PCDH15: variants seen among roughly 807,000 people sequenced by gnomAD.
PCDH15 encodes protocadherin related 15, also known as protocadherin-15.
A neutral mutation model predicts 178.5 loss-of-function variants in PCDH15; 129 were observed. The observed-to-expected ratio is 0.72, with a 90% CI of 0.63 to 0.84. PCDH15 has a LOEUF of 0.84. PCDH15 is among the 40% of genes least tolerant of loss of function. The probability of loss-of-function intolerance (pLI) is 0.00; values close to 1 mark genes in which losing one functional copy is unlikely to be tolerated. For missense variants in PCDH15, 2,230 were observed against 2,099.9 expected (o/e 1.06, Z -1.21); for synonymous variants, 800 against 732.0 (o/e 1.09, Z -1.50).
intron 2 of PCDH15, chr10:54,897,561 T>C (rs1174852846): frequency 6.6e-6 from 1 of 152,196 alleles, no homozygotes; most frequent in Non-Finnish European, 1.5e-5. Flanking sequence ...GAAACAACAA[T>C]TATGTATTAT....
chr10:55,587,914 A>G (rs1033448732), intron 2 of PCDH15, among the ~76,000 whole-genome samples: 3 of 152,166 alleles, frequency 2.0e-5, no homozygotes, highest in African/African-American at 7.2e-5. Context: ...TCATATCAAA[A>G]AAAGAATAAG....
At chr10:53,946,699 C>T (rs183766665) in intron 23 of PCDH15, among the ~76,000 whole-genome samples, 11 of 152,260 alleles carry the variant, frequency 7.2e-5, no homozygotes, top group East Asian at 1.9e-4. Context: ...AAATGCAAAC[C>T]GAAAAAGTTA....
intron 2 of PCDH15, among the ~76,000 whole-genome samples, chr10:55,005,240 C>G (rs1210640318): frequency 4.4e-5 from 2 of 45,934 alleles, no homozygotes; most frequent in Non-Finnish European, 4.7e-5. Context: ...AATGGAGCCT[C>G]TTGGTAGAAT....
At chr10:54,502,268 A>G (rs1451194009) in intron 3 of PCDH15, among the ~76,000 whole-genome samples, 1 of 152,168 alleles carries the variant, frequency 6.6e-6, no homozygotes, top group Non-Finnish European at 1.5e-5. Flanking sequence ...AATGTTTAAT[A>G]TAATGCTTGG....
chr10:54,420,168 T>C (rs750329034), intron 3 of PCDH15, among the ~76,000 whole-genome samples: 1 of 152,092 alleles, frequency 6.6e-6, no homozygotes, highest in Non-Finnish European at 1.5e-5. Flanking sequence ...TGAAGATGTA[T>C]GGTATTACTT....
At chr10:54,105,695 C>T (rs1315300243) in intron 15 of PCDH15, among the ~76,000 whole-genome samples, 3 of 152,094 alleles carry the variant, frequency 2.0e-5, no homozygotes, top group Non-Finnish European at 2.9e-5. Context: ...CAGACACACC[C>T]AGGATCAATA....
chr10:55,098,294 A>T (rs1842490412), intron 2 of PCDH15, among the ~76,000 whole-genome samples: 1 of 152,158 alleles, frequency 6.6e-6, no homozygotes, highest in Non-Finnish European at 1.5e-5. Context: ...TATTAAATGG[A>T]AGAACCAGAA....
At chr10:55,505,407 T>A (rs890061765) in intron 2 of PCDH15, among the ~76,000 whole-genome samples, 18 of 151,342 alleles carry the variant, frequency 1.2e-4, no homozygotes, top group African/African-American at 2.4e-5. Context: ...CTGGATTCTT[T>A]AAGAAAATAA....
At chr10:55,457,938 C>T (rs1443666000) in intron 2 of PCDH15, among the ~76,000 whole-genome samples, 1 of 151,960 alleles carries the variant, frequency 6.6e-6, no homozygotes, top group Non-Finnish European at 1.5e-5. Context: ...TTTTAGTTTT[C>T]TTAGATATTT....
chr10:54,942,375 GA>G (rs1838085116), intron 2 of PCDH15, among the ~76,000 whole-genome samples: 1 of 151,918 alleles, frequency 6.6e-6, no homozygotes, highest in Non-Finnish European at 1.5e-5. Flanking sequence ...ATGTCCTTTG[GA>G]AAATATCCAG....
chr10:54,921,867 C>G (rs1012798370), intron 2 of PCDH15, among the ~76,000 whole-genome samples: 1 of 152,268 alleles, frequency 6.6e-6, no homozygotes, highest in Non-Finnish European at 1.5e-5. Context: ...GGGAAACTTA[C>G]AACCATTGCA....
chr10:55,000,911 T>C (rs952492889), intron 2 of PCDH15, among the ~76,000 whole-genome samples: 3 of 152,126 alleles, frequency 2.0e-5, no homozygotes, highest in Non-Finnish European at 4.4e-5. Context: ...GCAAATCTGA[T>C]GGTGCTTTTT....
intron 2 of PCDH15, among the ~76,000 whole-genome samples, chr10:55,442,728 C>T (rs1424957653): frequency 1.3e-5 from 2 of 151,506 alleles, no homozygotes; most frequent in Admixed American, 1.3e-4. Flanking sequence ...TAATGATAAA[C>T]TAGATTGTGA....
chr10:54,535,377 T>C (rs559050166), intron 2 of PCDH15, among the ~76,000 whole-genome samples: 1 of 152,230 alleles, frequency 6.6e-6, no homozygotes, highest in South Asian at 2.1e-4. Flanking sequence ...GACTTGAACA[T>C]AAATGGCATT....
At chr10:54,515,896 G>T (rs4423102) in intron 3 of PCDH15, among the ~76,000 whole-genome samples, 92,453 of 152,076 alleles carry the variant, frequency 0.61, 28,798 homozygotes, top group East Asian at 0.97. Flanking sequence ...GGGTCTGGAG[G>T]GGACCTCTAG....
chr10:55,385,830 T>G (rs1166122704), intron 2 of PCDH15, among the ~76,000 whole-genome samples: 1 of 150,192 alleles, frequency 6.7e-6, no homozygotes, highest in Non-Finnish European at 1.5e-5. Flanking sequence ...TATATACGTA[T>G]ATATACGTAG....
intron 1 of PCDH15, among the ~76,000 whole-genome samples, chr10:54,792,731 G>A (rs572185481): frequency 6.6e-6 from 1 of 151,710 alleles, no homozygotes; most frequent in South Asian, 2.1e-4. Flanking sequence ...GTGATTACTT[G>A]GGACAATTTC....
chr10:54,930,976 G>T (rs533048159), intron 2 of PCDH15, among the ~76,000 whole-genome samples: 1 of 114,298 alleles, frequency 8.7e-6, no homozygotes. Flanking sequence ...GAATTAGCAT[G>T]ATTGATGGCA....
chr10:54,279,632 AAGG>A (rs5785055), intron 8 of PCDH15, among the ~76,000 whole-genome samples: 40,042 of 151,352 alleles, frequency 0.26, 6,418 homozygotes, highest in Middle Eastern at 0.39. Context: ...GCATTCCTTA[AAGG>A]AGATGATACT....
Sources: gnomAD v4.1 joint callset for allele counts (sites outside exome capture counted in the v4.1 genomes callset) on GRCh38, gnomAD v4.1.1 for gene constraint, MANE v1.5 for transcripts, NCBI Gene and HGNC (gene_info 2026-07-23, HGNC 2026-07-21) for gene names.